The following IL6ST variants were observed in gnomAD, a reference collection of about 807,000 sequenced individuals.
IL6ST encodes the protein interleukin-6 receptor subunit beta.
In IL6ST, 24 loss-of-function variants were observed where a neutral mutation model predicts 91.3. The ratio of observed to expected loss-of-function variants is 0.26; its 90% CI spans 0.19 to 0.37. IL6ST has a LOEUF of 0.37. Ranked by LOEUF, IL6ST falls within the 10% of genes least tolerant of loss-of-function variation. IL6ST has a pLI of 1.00. For missense variants in IL6ST, 914 were observed against 1,078.5 expected, an observed-to-expected ratio of 0.85 and a Z score of 2.14; for synonymous variants, 351 against 373.6, an observed-to-expected ratio of 0.94 and a Z score of 0.70.
At chr5:55,991,536 A>G (rs1319318619) in intron 1 of IL6ST, among the ~76,000 whole-genome samples, 1 of 150,116 alleles carries the variant, frequency 6.7e-6, no homozygotes, top group Non-Finnish European at 1.5e-5. Flanking sequence ...TCCTGCTTCC[A>G]GTCTCTTTCC....
chr5:55,963,572 CTCTT>C (rs1752462903), intron 6 of IL6ST, 66 bp from the exon 7 acceptor site: 1 of 1,094,816 alleles, frequency 9.1e-7, no homozygotes, highest in Admixed American at 2.2e-5. Context: ...CTCAAATATA[CTCTT>C]TATATTGTCC....
intron 4 of IL6ST, 142 bp downstream of exon 4, chr5:55,969,408 C>T (rs1229807520): frequency 3.4e-6 from 2 of 590,830 alleles, no homozygotes; most frequent in Non-Finnish European, 5.8e-6. Flanking sequence ...GTTCCTACTT[C>T]TAAGCTTATT....
chr5:55,989,405 C>T (rs1176233767), intron 1 of IL6ST, among the ~76,000 whole-genome samples: 1 of 152,148 alleles, frequency 6.6e-6, no homozygotes, highest in Non-Finnish European at 1.5e-5. Flanking sequence ...AAAAGACACA[C>T]ACTCATGCAC....
intron 1 of IL6ST, among the ~76,000 whole-genome samples, chr5:55,984,620 T>C (rs192525786): frequency 1.3e-5 from 2 of 152,330 alleles, no homozygotes; most frequent in East Asian, 3.9e-4. Context: ...CTTGAGAGAA[T>C]AAATTTGTTG....
chr5:55,977,954 G>GC (rs990268227), intron 2 of IL6ST, among the ~76,000 whole-genome samples: 4 of 151,234 alleles, frequency 2.6e-5, no homozygotes, highest in African/African-American at 7.3e-5. Context: ...AGCTGAGATG[G>GC]CACCACTGCA....
chr5:55,941,167 A>G lies in IL6ST; in HGVS notation c.2672T>C (p.Val891Ala). The change falls in exon 17 of 17, where the codon GTT (valine) becomes GCT (alanine). Residue 891 changes from valine (V) to alanine (A), a missense_variant. Physicochemically the swap from Val to Ala is moderately conservative, Grantham distance 64. Coordinates refer to ENST00000381298, the MANE Select transcript of IL6ST (RefSeq NM_002184.4). ...TEGQVERFET[V>A]GMEAATDEGM... ...TTCATCAGTCGCAGCCTCCATGCCA[A>G]CTGTTTCAAATCTTTCTACTTGTCC... is the stretch of plus-strand genomic sequence containing the variant. 6.2e-7 allele frequency: 1 copy of G among 1,614,132 alleles called. No individual in the cohort carries two copies. The highest frequency in any genetic ancestry group is 1.7e-5 in the Admixed American group (1 of 60,014).
chr5:55,977,118 T>C (rs921709165), intron 2 of IL6ST, among the ~76,000 whole-genome samples: 1 of 151,802 alleles, frequency 6.6e-6, no homozygotes, highest in African/African-American at 2.4e-5. Context: ...AGACATATAA[T>C]AGAATACTAC....
intron 11 of IL6ST, among the ~76,000 whole-genome samples, chr5:55,953,419 C>T (rs915961131): frequency 1.3e-5 from 2 of 152,092 alleles, no homozygotes; most frequent in African/African-American, 2.4e-5. Flanking sequence ...GATGGAGTTT[C>T]GTTCTTGTTG....
Position 55,942,674 on chromosome 5 carries a change from G to C in IL6ST, c.2015C>G (p.Pro672Arg). Residue 672 changes from proline to arginine, a missense_variant, in exon 16 of 17, where the codon CCA becomes CGA. Coordinates refer to ENST00000381298, the MANE Select transcript of IL6ST (RefSeq NM_002184.4). The part of the protein sequence containing the change: ...HIAQWSPHTP[P>R]RHNFNSKDQM... ...CTCAGAAGCATTTTCTCTTACCCTTGGAGGAGTGTGAGGTGACCACTGGGC... is the reference window on the plus strand; with the variant it reads ...CTCAGAAGCATTTTCTCTTACCCTTCGAGGAGTGTGAGGTGACCACTGGGC... The C allele has an allele frequency of 6.4e-7, 1 of 1,571,856 alleles. No homozygotes were observed. The highest frequency in any genetic ancestry group is 8.7e-7 in the Non-Finnish European group (1 of 1,143,132).
chr5:55,966,696 T>C (rs1047291976), intron 5 of IL6ST, among the ~76,000 whole-genome samples: 2 of 152,078 alleles, frequency 1.3e-5, no homozygotes, highest in Admixed American at 6.6e-5. Context: ...GAAGGATGCA[T>C]AGATAAATAG....
chr5:55,966,528 C>T (rs372362779), intron 5 of IL6ST, among the ~76,000 whole-genome samples: 4 of 152,158 alleles, frequency 2.6e-5, no homozygotes, highest in South Asian at 4.2e-4. Flanking sequence ...AAACATAATA[C>T]TGAACTCTAG....
At chr5:55,955,356 C>T (rs1037503294) in intron 10 of IL6ST, among the ~76,000 whole-genome samples, 2 of 152,124 alleles carry the variant, frequency 1.3e-5, no homozygotes, top group African/African-American at 4.8e-5. Flanking sequence ...ACTTGGGAGG[C>T]TGGTGCACAA....
intron 6 of IL6ST, among the ~76,000 whole-genome samples, 179 bp downstream of exon 6, chr5:55,963,967 C>T (rs1045954370): frequency 1.3e-5 from 2 of 151,932 alleles, no homozygotes; most frequent in Non-Finnish European, 1.5e-5. Context: ...CTTGTTTCTA[C>T]ATTAATTAAA....
At chr5:55,950,535 C>CAAAAAAAAA (rs70995750) in intron 14 of IL6ST, among the ~76,000 whole-genome samples, 155 of 29,108 alleles carry the variant, frequency 5.3e-3, no homozygotes, top group Non-Finnish European at 7.5e-3. Flanking sequence ...GACTCTGTCT[C>CAAAAAAAAA]AAAAAAAAAA....
At chr5:55,963,909 T>C (rs548059560) in intron 6 of IL6ST, among the ~76,000 whole-genome samples, 1 of 152,294 alleles carries the variant, frequency 6.6e-6, no homozygotes, top group Non-Finnish European at 1.5e-5. Context: ...CCAAATTCTA[T>C]TTGATATTAT....
chr5:55,985,761 T>C (rs1580867233), intron 1 of IL6ST, among the ~76,000 whole-genome samples: 1 of 152,158 alleles, frequency 6.6e-6, no homozygotes, highest in Non-Finnish European at 1.5e-5. Flanking sequence ...TGTTCACAGG[T>C]GTGGGTCTAT....
chr5:55,988,505 G>A (rs536747640), intron 1 of IL6ST, among the ~76,000 whole-genome samples: 8 of 151,602 alleles, frequency 5.3e-5, no homozygotes, highest in East Asian at 1.9e-4. Flanking sequence ...GGTGGCTCAC[G>A]CCTATAATCC....
At chr5:55,948,671 ACTTTG>A (rs1308256603) in intron 14 of IL6ST, among the ~76,000 whole-genome samples, 1 of 152,124 alleles carries the variant, frequency 6.6e-6, no homozygotes, top group East Asian at 1.9e-4. Context: ...TTAGGCAGAA[ACTTTG>A]CTTTATTAAA....
intron 2 of IL6ST, among the ~76,000 whole-genome samples, chr5:55,981,372 C>T (rs568841226): frequency 3.6e-4 from 55 of 152,188 alleles, no homozygotes; most frequent in African/African-American, 1.1e-3. Context: ...TGGCCGGGTG[C>T]GGTGGCTCAT....
Sources: allele counts gnomAD v4.1 joint callset (sites outside exome capture counted in the v4.1 genomes callset), GRCh38; gene constraint gnomAD v4.1.1; transcripts MANE v1.5; gene names NCBI Gene and HGNC (gene_info 2026-07-23, HGNC 2026-07-21).